Variants in PACRG observed in about 807,000 individuals in gnomAD.
PACRG encodes the protein parkin coregulated gene protein.
A neutral mutation model predicts 29.7 loss-of-function variants in PACRG; 29 were observed. That is an observed-to-expected ratio of 0.98 (90% confidence interval 0.73 to 1.33). The LOEUF (loss-of-function observed/expected upper bound fraction) is 1.33, where lower values mean the gene tolerates loss of function less well. PACRG is among the 40% of genes most tolerant of loss of function. The pLI is 0.00. For missense variants in PACRG, 279 were observed against 316.2 expected, an observed-to-expected ratio of 0.88 and a Z score of 0.89; for synonymous variants, 116 against 118.7, an observed-to-expected ratio of 0.98 and a Z score of 0.15.
chr6:162,793,901 T>C lies in PACRG; in HGVS notation c.157-20246T>C, dbSNP rs188464619. 1.4e-4 allele frequency among the ~76,000 whole-genome samples: 22 copies of C among 152,316 alleles called. 1 individual carries two copies. Among genetic ancestry groups the C allele is most frequent in the African/African-American group, 5.1e-4 (21 of 41,566 alleles). ...AATAACTAATGGATACTGGGCTTAA[T>C]ACCTGGGTGATGAAAGAATCTATAC... On this transcript the variant is annotated intron_variant, in intron 1 of 4. Coordinates refer to ENST00000366888, the MANE Select transcript of PACRG (RefSeq NM_001080379.2).
intron 1 of PACRG, among the ~76,000 whole-genome samples, chr6:162,761,498 T>C (rs1268019133): frequency 6.6e-6 from 1 of 152,200 alleles, no homozygotes; most frequent in South Asian, 2.1e-4. Context: ...CTCTACTGTC[T>C]GTGCTATGCA....
At chr6:162,942,209 A>C (rs1480753674) in intron 2 of PACRG, among the ~76,000 whole-genome samples, 5 of 152,188 alleles carry the variant, frequency 3.3e-5, no homozygotes, top group Non-Finnish European at 4.4e-5. Context: ...TTCTTTAATC[A>C]GGGTTAGAGT....
intron 2 of PACRG, among the ~76,000 whole-genome samples, chr6:162,860,631 T>C (rs1791782615): frequency 6.6e-6 from 1 of 152,262 alleles, no homozygotes; most frequent in Non-Finnish European, 1.5e-5. Flanking sequence ...TTTGCTTTAA[T>C]AAGTTGAGAT....
chr6:162,757,583 A>G (rs1249753719), intron 1 of PACRG, among the ~76,000 whole-genome samples: 1 of 151,912 alleles, frequency 6.6e-6, no homozygotes, highest in Non-Finnish European at 1.5e-5. Flanking sequence ...TGGTGCACAC[A>G]TGTAATCCCA....
chr6:162,976,144 C>G (rs910173634), intron 2 of PACRG, among the ~76,000 whole-genome samples: 30 of 152,156 alleles, frequency 2.0e-4, no homozygotes, highest in Admixed American at 2.0e-3. Flanking sequence ...GAAATGGAAG[C>G]AAGAGACACC....
intron 2 of PACRG, among the ~76,000 whole-genome samples, chr6:162,907,743 C>T (rs1484664541): frequency 6.6e-6 from 1 of 152,104 alleles, no homozygotes; most frequent in African/African-American, 2.4e-5. Flanking sequence ...TTGAAATAGA[C>T]TCATAAATAC....
At chr6:162,865,901 A>C (rs1260652082) in intron 2 of PACRG, among the ~76,000 whole-genome samples, 1 of 152,196 alleles carries the variant, frequency 6.6e-6, no homozygotes, top group Non-Finnish European at 1.5e-5. Context: ...AGGGTCAGTA[A>C]ATAGCTAGCC....
chr6:162,825,156 T>C (rs1474111140), intron 2 of PACRG, among the ~76,000 whole-genome samples: 2 of 152,212 alleles, frequency 1.3e-5, no homozygotes, highest in South Asian at 2.1e-4. Flanking sequence ...TATCTACATA[T>C]TGTGGCAATC....
intron 4 of PACRG, among the ~76,000 whole-genome samples, chr6:163,193,981 C>G (rs893565821): frequency 5.9e-5 from 9 of 151,394 alleles, no homozygotes; most frequent in African/African-American, 1.9e-4. Context: ...CAACCTCCAC[C>G]TCCTGGGTTC....
intron 2 of PACRG, among the ~76,000 whole-genome samples, chr6:162,820,770 G>C (rs1308997108): frequency 6.6e-6 from 1 of 152,078 alleles, no homozygotes; most frequent in East Asian, 1.9e-4. Context: ...ATGTTCTCTT[G>C]GAATTGTCCT....
chr6:163,216,677 A>C (rs1415483288), intron 4 of PACRG, among the ~76,000 whole-genome samples: 1 of 152,184 alleles, frequency 6.6e-6, no homozygotes, highest in Non-Finnish European at 1.5e-5. Context: ...ATGCGTGTGC[A>C]TACATATGCA....
At chr6:162,918,800 T>C (rs1461224336) in intron 2 of PACRG, among the ~76,000 whole-genome samples, 1 of 152,242 alleles carries the variant, frequency 6.6e-6, no homozygotes, top group African/African-American at 2.4e-5. Flanking sequence ...CTTCTTTTTT[T>C]ATTTCAAATA....
chr6:162,913,135 T>C (rs1333440297), intron 2 of PACRG, among the ~76,000 whole-genome samples: 2 of 152,180 alleles, frequency 1.3e-5, no homozygotes, highest in Non-Finnish European at 1.5e-5. Context: ...ATAAATGAAA[T>C]ACGGTAAATC....
At position 163,021,922 on chromosome 6, in the gene PACRG, C is replaced by A. The variant is rs181358261; in HGVS notation, c.292-40228C>A. Reference sequence around the variant, plus strand: ...CTTTTCATAATTTTATGATAACATTCTCTTATAAAGATCAATTTTAATATC... The same window carrying A: ...CTTTTCATAATTTTATGATAACATTATCTTATAAAGATCAATTTTAATATC... On this transcript the variant is annotated intron_variant, in intron 2 of 4. Transcript: ENST00000366888. Among the ~76,000 whole-genome samples, 12 of 152,350 alleles carry A rather than the reference C, an allele frequency of 7.9e-5. No individual in the cohort carries two copies. In the South Asian group the frequency reaches 1.2e-3, roughly 16 times the overall value.
intron 4 of PACRG, among the ~76,000 whole-genome samples, chr6:163,210,307 G>A (rs191515755): frequency 2.6e-4 from 39 of 152,264 alleles, no homozygotes. Flanking sequence ...ATACCAATGT[G>A]TAATCCATTC....
chr6:163,222,120 C>G (rs1229150917), intron 4 of PACRG, among the ~76,000 whole-genome samples: 1 of 152,138 alleles, frequency 6.6e-6, no homozygotes, highest in East Asian at 1.9e-4. Context: ...ATTTTGTAAA[C>G]TTTTATTATA....
At chr6:163,266,595 C>A (rs1198553874) in intron 4 of PACRG, among the ~76,000 whole-genome samples, 1 of 152,158 alleles carries the variant, frequency 6.6e-6, no homozygotes, top group Non-Finnish European at 1.5e-5. Context: ...ATCTAACCTC[C>A]TTCTCCTGAT....
intron 1 of PACRG, among the ~76,000 whole-genome samples, chr6:162,792,626 C>G (rs187582874): frequency 6.6e-6 from 1 of 152,040 alleles, no homozygotes; most frequent in Non-Finnish European, 1.5e-5. Context: ...GTCTCTAGTC[C>G]CAGTGTTATA....
intron 1 of PACRG, among the ~76,000 whole-genome samples, chr6:162,805,240 C>A (rs555464117): frequency 1.3e-5 from 2 of 152,104 alleles, no homozygotes; most frequent in African/African-American, 4.8e-5. Context: ...AAGCAAATAT[C>A]TCAGTTCAGA....
Sources: allele counts gnomAD v4.1 joint callset (sites outside exome capture counted in the v4.1 genomes callset), GRCh38; gene constraint gnomAD v4.1.1; transcripts MANE v1.5; gene names NCBI Gene and HGNC (gene_info 2026-07-23, HGNC 2026-07-21).